GIMD1: variants seen among roughly 807,000 people sequenced by gnomAD.
GIMD1 encodes the protein GTPase IMAP family member GIMD1.
In GIMD1, 14 loss-of-function variants were observed where a neutral mutation model predicts 14.9. The observed-to-expected ratio is 0.94, with a 90% CI of 0.62 to 1.47. The LOEUF is 1.47. GIMD1 is among the 40% of genes most tolerant of loss of function. The probability of loss-of-function intolerance (pLI) is 0.00; values close to 1 mark genes in which losing one functional copy is unlikely to be tolerated. For synonymous variants in GIMD1, 91 were observed against 90.5 expected (o/e 1.01, Z -0.03); for missense variants, 272 against 255.3 (o/e 1.07, Z -0.44).
chr4:106,360,838 A>C (rs73839456), intron 2 of GIMD1, among the ~76,000 whole-genome samples: 21,878 of 152,020 alleles, frequency 0.14, 1,754 homozygotes, highest in South Asian at 0.25. Context: ...TCAGAAGGAG[A>C]CAACCCTTAC....
chr4:106,359,544 T>C (rs1241153847), intron 2 of GIMD1, among the ~76,000 whole-genome samples: 4 of 151,868 alleles, frequency 2.6e-5, no homozygotes, highest in Non-Finnish European at 5.9e-5. Flanking sequence ...CATTATGATA[T>C]TGGCAAACTG....
At position 106,357,601 on chromosome 4, in the gene GIMD1, G is replaced by C. The variant is rs189389455; in HGVS notation, c.*582C>G. The C allele has an allele frequency of 6.6e-6, 1 of 152,000 alleles. No homozygotes were observed. Among genetic ancestry groups the C allele is most frequent in the African/African-American group, 2.4e-5 (1 of 41,484 alleles). The allele number at this position is 152,000 out of a possible 1,614,324, so 9.4% of individuals were successfully genotyped here. On this transcript the variant is annotated 3_prime_UTR_variant, in exon 3 of 3. Transcript: ENST00000638719. ...CTTTCACTCACAATCTCCTCCCCAA[G>C]GTTAACCACTCTCCCAATTTCCAGC...
intron 1 of GIMD1, among the ~76,000 whole-genome samples, chr4:106,367,926 C>T (rs890626407): frequency 1.6e-4 from 24 of 152,148 alleles, no homozygotes; most frequent in African/African-American, 5.6e-4. Context: ...TTCCCACTTC[C>T]CGACCCACTG....
At chr4:106,366,852 T>A (rs575048416) in intron 2 of GIMD1, among the ~76,000 whole-genome samples, 191 bp downstream of exon 2, 15 of 151,438 alleles carry the variant, frequency 9.9e-5, no homozygotes, top group Middle Eastern at 6.9e-3. Context: ...AAAAATGACT[T>A]GGGAAAATCA....
rs183244547 is a variant in GIMD1, at chr4:106,364,831, C to G, written c.393+2212G>C. 2.7e-4 allele frequency among the ~76,000 whole-genome samples: 41 copies of G among 152,190 alleles called. 2 individuals are homozygous for G. The highest frequency in any genetic ancestry group is 2.6e-3 in the Admixed American group (40 of 15,268). On this transcript the variant is annotated intron_variant, in intron 2 of 2. Coordinates refer to ENST00000638719, the MANE Select transcript of GIMD1 (RefSeq NM_001195138.2). ...TATGCCAAATATTGTTTTAAACGACCAAAGACATGTATGAATTGAGTTCAC... is the reference window on the plus strand; with the variant it reads ...TATGCCAAATATTGTTTTAAACGACGAAAGACATGTATGAATTGAGTTCAC...
intron 2 of GIMD1, among the ~76,000 whole-genome samples, chr4:106,359,952 T>C (rs1406237605): frequency 2.0e-5 from 3 of 151,984 alleles, no homozygotes; most frequent in African/African-American, 4.8e-5. Flanking sequence ...AACTTCATAG[T>C]GAACTCTTTG....
chr4:106,358,383 T>A lies in GIMD1; in HGVS notation c.454A>T (p.Ile152Leu). ...TAILFTHAEK[I>L]EEAGLTEDKY... is the part of the protein sequence containing the mutation. ...TCTTCAGTAAGCCCAGCCTCTTCTA[T>A]TTTTTCTGCATGGGTAAAAAGAATG... The change falls in exon 3 of 3, where the codon ATA (isoleucine) becomes TTA (leucine). Residue 152 changes from isoleucine (I) to leucine (L), a missense_variant. Physicochemically the swap from Ile to Leu is conservative, Grantham distance 5 (BLOSUM62 2). Transcript: ENST00000638719. 6.5e-7 allele frequency: 1 copy of A among 1,531,554 alleles called. No individual in the cohort carries two copies. The highest frequency in any genetic ancestry group is 2.5e-5 in the East Asian group (1 of 40,812). 94.9% of individuals were successfully genotyped at this position (1,531,554 alleles called of 1,614,324 possible).
At chr4:106,366,004 C>G (rs1322000601) in intron 2 of GIMD1, among the ~76,000 whole-genome samples, 6 of 151,914 alleles carry the variant, frequency 3.9e-5, no homozygotes, top group Non-Finnish European at 7.4e-5. Context: ...ATGTCCAGGC[C>G]TCTTATCCAG....
intron 2 of GIMD1, among the ~76,000 whole-genome samples, chr4:106,360,789 C>T (rs572431092): frequency 6.6e-6 from 1 of 151,960 alleles, no homozygotes; most frequent in Non-Finnish European, 1.5e-5. Context: ...ATCTACAAGC[C>T]AAAGAAAGAA....
In GIMD1 at chr4:106,357,595, C is replaced by T. The variant is rs1770548118; in HGVS notation, c.*588G>A. 1 of 152,036 alleles carries T rather than the reference C, an allele frequency of 6.6e-6. No homozygotes were observed. The highest frequency in any genetic ancestry group is 1.5e-5 in the Non-Finnish European group (1 of 68,002). The allele number at this position is 152,036 out of a possible 1,614,324, so 9.4% of individuals were successfully genotyped here. A position where few individuals can be genotyped will look rare whatever the true frequency, so the allele number is the denominator to read the frequency against. ...TGTAACCTTTCACTCACAATCTCCT[C>T]CCCAAGGTTAACCACTCTCCCAATT... On this transcript the variant is annotated 3_prime_UTR_variant, in exon 3 of 3. Transcript: ENST00000638719.
chr4:106,365,898 G>A (rs1361815697), intron 2 of GIMD1, among the ~76,000 whole-genome samples: 1 of 150,626 alleles, frequency 6.6e-6, no homozygotes, highest in Non-Finnish European at 1.5e-5. Context: ...GTTAGTAATA[G>A]TCCACACATC....
In GIMD1 at chr4:106,367,328, G is replaced by T; in HGVS notation, c.108C>A (p.Ser36Arg). 6.5e-7 allele frequency: 1 copy of T among 1,536,026 alleles called. No homozygotes were observed. Among genetic ancestry groups the T allele is most frequent in the East Asian group, 2.4e-5 (1 of 40,908 alleles). ...NILLGSTDFH[S>R]SFAPCSVTTC... Reference sequence around the variant, plus strand: ...TGGTCACAGAACAGGGAGCAAAGCTGCTGTGAAAGTCTGTGCTTCCCAGCA... The same window carrying T: ...TGGTCACAGAACAGGGAGCAAAGCTTCTGTGAAAGTCTGTGCTTCCCAGCA... Residue 36 changes from serine (S) to arginine (R), a missense_variant, in exon 2 of 3, where the codon AGC becomes AGA. Ser to Arg is a moderately radical substitution (Grantham distance 110). Transcript: ENST00000638719.
At chr4:106,363,404 C>T (rs938387199) in intron 2 of GIMD1, among the ~76,000 whole-genome samples, 6 of 152,028 alleles carry the variant, frequency 3.9e-5, no homozygotes, top group African/African-American at 1.4e-4. Context: ...CTTTAGAACC[C>T]ATCTCGTAAT....
intron 2 of GIMD1, among the ~76,000 whole-genome samples, chr4:106,365,938 TACACAC>T (rs74949934): frequency 2.0e-5 from 3 of 148,374 alleles, no homozygotes; most frequent in South Asian, 2.2e-4. Flanking sequence ...TACACACACG[TACACAC>T]ACACACACAC....
At chr4:106,367,899 T>C (rs1305678453) in intron 1 of GIMD1, among the ~76,000 whole-genome samples, 1 of 152,158 alleles carries the variant, frequency 6.6e-6, no homozygotes, top group Non-Finnish European at 1.5e-5. Context: ...TCTTGCTTTC[T>C]AACAACATCC....
At chr4:106,360,264 A>G (rs768883412) in intron 2 of GIMD1, among the ~76,000 whole-genome samples, 1 of 151,978 alleles carries the variant, frequency 6.6e-6, no homozygotes, top group Non-Finnish European at 1.5e-5. Flanking sequence ...AAATTTTTCT[A>G]TGTACACCCA....
rs542585678 is a variant in GIMD1, at chr4:106,361,296, A to C, written c.394-2853T>G. On this transcript the variant is annotated intron_variant, in intron 2 of 2. Transcript: ENST00000638719. ...AGACAGACAGGAAAGAAATACTTTG[A>C]ATTTGTTTCAATTGCAAGTGTGATA... Among the ~76,000 whole-genome samples the C allele has an allele frequency of 2.0e-5, 3 of 152,034 alleles. No homozygotes were observed. In the South Asian group the frequency reaches 6.2e-4, roughly 31 times the overall value.
rs192585291 is a variant in GIMD1 at position 106,365,329 on chromosome 4, T to G, written c.393+1714A>C. Reference sequence around the variant, plus strand: ...TTTTTCAGGAGTTACATGATGAGCATTTTTTATGCTCCTGTCACCCTGATT... The same window carrying G: ...TTTTTCAGGAGTTACATGATGAGCAGTTTTTATGCTCCTGTCACCCTGATT... On this transcript the variant is annotated intron_variant, in intron 2 of 2. Coordinates refer to ENST00000638719, the MANE Select transcript of GIMD1 (RefSeq NM_001195138.2). Among the ~76,000 whole-genome samples the G allele has an allele frequency of 8.5e-4, 130 of 152,272 alleles. 1 individual carries two copies. Among genetic ancestry groups the G allele is most frequent in the Admixed American group, 6.1e-3 (93 of 15,280 alleles).
In GIMD1 at chr4:106,363,426, C is replaced by A. The variant is rs1049119376; in HGVS notation, c.393+3617G>T. On this transcript the variant is annotated intron_variant, in intron 2 of 2. Transcript: ENST00000638719. The stretch of plus-strand genomic sequence containing the variant: ...ACCCATCTCGTAATCTCTATGCTAT[C>A]TTGCCCATATCCAGTAGTTCATTTG... Among the ~76,000 whole-genome samples the A allele has an allele frequency of 1.3e-5, 2 of 152,106 alleles. 1 individual carries two copies. Among genetic ancestry groups the A allele is most frequent in the Admixed American group, 1.3e-4 (2 of 15,240 alleles).
Sources: gnomAD v4.1 joint callset for allele counts (sites outside exome capture counted in the v4.1 genomes callset) on GRCh38, gnomAD v4.1.1 for gene constraint, MANE v1.5 for transcripts, NCBI Gene and HGNC (gene_info 2026-07-23, HGNC 2026-07-21) for gene names.